DGKG: variants seen among roughly 807,000 people sequenced by gnomAD.
DGKG encodes the protein DAG kinase gamma.
DGKG carries 78 observed loss-of-function variants against 105.3 expected under a neutral mutation model. The ratio of observed to expected loss-of-function variants is 0.74; its 90% CI spans 0.62 to 0.89. The LOEUF (loss-of-function observed/expected upper bound fraction) is 0.89. Ranked by LOEUF, DGKG falls within the 40% of genes least tolerant of loss-of-function variation. The pLI is 0.00. For synonymous variants in DGKG, 346 were observed against 367.1 expected, an observed-to-expected ratio of 0.94 and a Z score of 0.66; for missense variants, 958 against 1,020.1, an observed-to-expected ratio of 0.94 and a Z score of 0.83.
intron 7 of DGKG, among the ~76,000 whole-genome samples, chr3:186,282,429 A>G (rs1005024504): frequency 6.6e-6 from 1 of 152,194 alleles, no homozygotes; most frequent in Non-Finnish European, 1.5e-5. Flanking sequence ...TTTAAAACGT[A>G]TCTGGAATTT....
intron 3 of DGKG, among the ~76,000 whole-genome samples, chr3:186,305,527 G>A (rs78085074): frequency 0.035 from 5,370 of 152,196 alleles, 291 homozygotes; most frequent in African/African-American, 0.12. Context: ...AGGGATTGGG[G>A]GAACCATGGG....
chr3:186,188,457 CGTGTGTGT>C, intron 21 of DGKG, 78 bp from the exon 22 acceptor site: 1 of 1,267,336 alleles, frequency 7.9e-7, no homozygotes, highest in Non-Finnish European at 1.1e-6. Context: ...TGTGTGCGTG[CGTGTGTGT>C]GTGTGTACTC....
At chr3:186,244,515 C>T (rs1238698114) in intron 19 of DGKG, among the ~76,000 whole-genome samples, 1 of 151,510 alleles carries the variant, frequency 6.6e-6, no homozygotes, top group Admixed American at 6.6e-5. Flanking sequence ...AGAGATTCTT[C>T]CGCTTCAGCC....
intron 20 of DGKG, among the ~76,000 whole-genome samples, chr3:186,241,425 C>T (rs537792132): frequency 1.2e-4 from 18 of 152,070 alleles, no homozygotes; most frequent in Admixed American, 2.0e-4. Context: ...TGATGGTGCA[C>T]GCCTGTAGTC....
intron 7 of DGKG, among the ~76,000 whole-genome samples, chr3:186,282,335 G>A (rs1168536691): frequency 6.6e-6 from 1 of 152,206 alleles, no homozygotes; most frequent in African/African-American, 2.4e-5. Context: ...CTGTCTTAAG[G>A]TAGGAGTCCA....
At chr3:186,282,034 G>A (rs1722851874) in intron 7 of DGKG, among the ~76,000 whole-genome samples, 1 of 152,198 alleles carries the variant, frequency 6.6e-6, no homozygotes, top group Admixed American at 6.5e-5. Context: ...AGAAATTTTA[G>A]CTTGGAGAAG....
intron 21 of DGKG, among the ~76,000 whole-genome samples, chr3:186,202,620 A>G (rs1718527250): frequency 6.6e-6 from 1 of 152,186 alleles, no homozygotes; most frequent in Non-Finnish European, 1.5e-5. Flanking sequence ...TTTGGTAGAC[A>G]TTGCTTGGGG....
intron 19 of DGKG, among the ~76,000 whole-genome samples, chr3:186,251,429 C>T (rs139405608): frequency 6.6e-6 from 1 of 152,114 alleles, no homozygotes; most frequent in Non-Finnish European, 1.5e-5. Context: ...CAACCTTGTC[C>T]CCCGGTTATT....
intron 1 of DGKG, among the ~76,000 whole-genome samples, chr3:186,330,346 A>G (rs1219406933): frequency 6.6e-6 from 1 of 152,184 alleles, no homozygotes; most frequent in Non-Finnish European, 1.5e-5. Context: ...TTTATCAATG[A>G]ACTGTCACTA....
At chr3:186,326,421 C>T (rs996765604) in intron 1 of DGKG, among the ~76,000 whole-genome samples, 2 of 150,794 alleles carry the variant, frequency 1.3e-5, no homozygotes, top group Middle Eastern at 3.4e-3. Context: ...GATGTATGTA[C>T]ACAGATACAC....
chr3:186,327,972 C>T (rs1410458232), intron 1 of DGKG, among the ~76,000 whole-genome samples: 1 of 152,114 alleles, frequency 6.6e-6, no homozygotes, highest in Non-Finnish European at 1.5e-5. Flanking sequence ...CCATTCTCAC[C>T]CCCATTACCT....
intron 19 of DGKG, among the ~76,000 whole-genome samples, chr3:186,249,099 C>T (rs530084342): frequency 2.6e-5 from 4 of 152,134 alleles, no homozygotes; most frequent in East Asian, 1.9e-4. Context: ...CCTGAACAGC[C>T]GGTCCAAAAA....
At chr3:186,263,106 G>T (rs1176493188) in intron 14 of DGKG, among the ~76,000 whole-genome samples, 1 of 151,176 alleles carries the variant, frequency 6.6e-6, no homozygotes, top group East Asian at 2.0e-4. Flanking sequence ...CAGCCTGGGC[G>T]ACAGAGCAAG....
intron 19 of DGKG, among the ~76,000 whole-genome samples, chr3:186,251,328 G>A (rs58939191): frequency 6.6e-6 from 1 of 151,966 alleles, no homozygotes; most frequent in African/African-American, 2.4e-5. Context: ...GAAATCTGAG[G>A]GCTAAGCCAG....
At chr3:186,167,269 G>T (rs913521931) in intron 22 of DGKG, among the ~76,000 whole-genome samples, 1 of 152,034 alleles carries the variant, frequency 6.6e-6, no homozygotes, top group Non-Finnish European at 1.5e-5. Context: ...TACCACTGAG[G>T]CAGGACCTGG....
At chr3:186,316,806 C>T (rs1724841349) in intron 2 of DGKG, among the ~76,000 whole-genome samples, 1 of 152,164 alleles carries the variant, frequency 6.6e-6, no homozygotes, top group Non-Finnish European at 1.5e-5. Flanking sequence ...CTGTACACTT[C>T]ATTATTTTGT....
At chr3:186,321,530 A>G (rs1725075588) in intron 1 of DGKG, among the ~76,000 whole-genome samples, 1 of 152,228 alleles carries the variant, frequency 6.6e-6, no homozygotes, top group Non-Finnish European at 1.5e-5. Context: ...TTGGGAAGCC[A>G]CCAACCTAAA....
At chr3:186,325,094 G>C (rs1377494459) in intron 1 of DGKG, among the ~76,000 whole-genome samples, 2 of 152,158 alleles carry the variant, frequency 1.3e-5, no homozygotes, top group African/African-American at 4.8e-5. Flanking sequence ...TATCCAAAAT[G>C]AATTAACACA....
chr3:186,248,653 G>A (rs77162557), intron 19 of DGKG, among the ~76,000 whole-genome samples: 1,694 of 152,296 alleles, frequency 0.011, 47 homozygotes, highest in African/African-American at 0.037. Context: ...GTGGTGGTGA[G>A]CCACCACAAC....
Sources: allele counts gnomAD v4.1 joint callset (sites outside exome capture counted in the v4.1 genomes callset), GRCh38; gene constraint gnomAD v4.1.1; transcripts MANE v1.5; gene names NCBI Gene and HGNC (gene_info 2026-07-23, HGNC 2026-07-21).